RTL4: variants seen among roughly 807,000 people sequenced by gnomAD.
The protein encoded by RTL4 is retrotransposon Gag like 4.
In RTL4, 4 loss-of-function variants were observed where a neutral mutation model predicts 5.3. The observed-to-expected ratio is 0.75, with a 90% CI of 0.37 to 1.72. The LOEUF (loss-of-function observed/expected upper bound fraction) is 1.72, where lower values mean the gene tolerates loss of function less well. Among genes scored for constraint, RTL4 ranks in the 40% most tolerant of loss-of-function variants. The pLI, the probability that RTL4 is intolerant of heterozygous loss-of-function variation, is 0.04. For missense variants in RTL4, 260 were observed against 227.1 expected, an observed-to-expected ratio of 1.14 and a Z score of -0.93; for synonymous variants, 98 against 87.3, an observed-to-expected ratio of 1.12 and a Z score of -0.68.
At chrX:112,121,039 C>T in the RTL4 span, among the ~76,000 whole-genome samples, 1 of 111,564 alleles carries the variant, frequency 9.0e-6, no homozygotes, top group Non-Finnish European at 1.9e-5. Flanking sequence ...CTAATGGGTA[C>T]TGGGCTTAAT....
the RTL4 span, among the ~76,000 whole-genome samples, chrX:112,350,796 G>A: frequency 2.7e-5 from 3 of 110,885 alleles, no homozygotes; most frequent in Non-Finnish European, 3.8e-5. Flanking sequence ...TATCAATTTT[G>A]TTGATCTTTT....
At chrX:112,454,976 C>T (rs375832704) in exon 1 of RTL4, 11 of 1,209,763 alleles carry the variant, frequency 9.1e-6, no homozygotes, top group African/African-American at 3.5e-5. Flanking sequence ...ACCTACTTGA[C>T]AGCTCTCCAA....
At chrX:112,274,877 A>G in the RTL4 span, among the ~76,000 whole-genome samples, 5 of 112,160 alleles carry the variant, frequency 4.5e-5, no homozygotes, top group African/African-American at 1.6e-4. Flanking sequence ...GATAATGATC[A>G]TAACTGAAAC....
At chrX:112,203,573 A>G in the RTL4 span, among the ~76,000 whole-genome samples, 58 of 110,197 alleles carry the variant, frequency 5.3e-4, no homozygotes, top group African/African-American at 1.9e-3. Context: ...ATATGGGTCG[A>G]TTTCTGGCTT....
At chrX:112,090,202 G>A in the RTL4 span, among the ~76,000 whole-genome samples, 2 of 109,764 alleles carry the variant, frequency 1.8e-5, no homozygotes, top group East Asian at 5.7e-4. Context: ...TGTGAATAGA[G>A]GTAGTTTTAC....
chrX:112,315,560 C>T, the RTL4 span, among the ~76,000 whole-genome samples: 1 of 112,044 alleles, frequency 8.9e-6, no homozygotes, highest in African/African-American at 3.2e-5. Context: ...TTAGCCTCCA[C>T]TCCCTTTCCC....
At chrX:112,414,410 C>T in the RTL4 span, among the ~76,000 whole-genome samples, 1 of 111,443 alleles carries the variant, frequency 9.0e-6, no homozygotes, top group Non-Finnish European at 1.9e-5. Flanking sequence ...CTTTCCATTT[C>T]AAAATCACTT....
At chrX:112,128,300 G>A in the RTL4 span, among the ~76,000 whole-genome samples, 1 of 111,426 alleles carries the variant, frequency 9.0e-6, no homozygotes, top group Non-Finnish European at 1.9e-5. Flanking sequence ...AGGGTGCCAA[G>A]GCCATCAATA....
the RTL4 span, among the ~76,000 whole-genome samples, chrX:112,326,968 A>T: frequency 1.8e-5 from 2 of 111,958 alleles, no homozygotes; most frequent in Non-Finnish European, 3.8e-5. Context: ...AGGAAAACTG[A>T]AAAACAGAAA....
chrX:112,289,661 C>A, the RTL4 span, among the ~76,000 whole-genome samples: 1 of 111,496 alleles, frequency 9.0e-6, no homozygotes, highest in African/African-American at 3.3e-5. Context: ...ATGTATGTCA[C>A]AAGCCTAGCA....
the RTL4 span, among the ~76,000 whole-genome samples, chrX:112,242,421 A>G: frequency 9.0e-6 from 1 of 111,324 alleles, no homozygotes; most frequent in African/African-American, 3.3e-5. Flanking sequence ...CATCCCTTGT[A>G]CTTTGGATTC....
the RTL4 span, among the ~76,000 whole-genome samples, chrX:112,153,497 A>G: frequency 1.8e-5 from 2 of 112,015 alleles, no homozygotes; most frequent in Non-Finnish European, 3.8e-5. Flanking sequence ...TTTACTGACT[A>G]TTTAAGGTTC....
At chrX:112,408,948 G>C in the RTL4 span, among the ~76,000 whole-genome samples, 1 of 111,970 alleles carries the variant, frequency 8.9e-6, no homozygotes, top group Non-Finnish European at 1.9e-5. Context: ...AAAATGAAGA[G>C]AAATAAAGAC....
chrX:112,374,967 C>G, the RTL4 span, among the ~76,000 whole-genome samples: 1 of 111,821 alleles, frequency 8.9e-6, no homozygotes, highest in Non-Finnish European at 1.9e-5. Flanking sequence ...AGATAAAATA[C>G]AGGACACCCA....
the RTL4 span, among the ~76,000 whole-genome samples, chrX:112,289,773 A>G: frequency 3.8e-5 from 4 of 105,985 alleles, no homozygotes; most frequent in Admixed American, 1.0e-4. Flanking sequence ...TGTATAATAT[A>G]TGTGTGTGTG....
the RTL4 span, among the ~76,000 whole-genome samples, chrX:112,118,433 C>T: frequency 8.9e-6 from 1 of 112,390 alleles, no homozygotes. Flanking sequence ...CCTGATTGTC[C>T]TCATGACATG....
chrX:112,246,859 C>G, the RTL4 span, among the ~76,000 whole-genome samples: 1 of 111,470 alleles, frequency 9.0e-6, no homozygotes, highest in Admixed American at 9.6e-5. Context: ...TGGAATGAAC[C>G]TCTGATTGTT....
chrX:112,238,360 G>T, the RTL4 span, among the ~76,000 whole-genome samples: 1 of 111,035 alleles, frequency 9.0e-6, no homozygotes, highest in African/African-American at 3.3e-5. Flanking sequence ...TTTTCTTTCA[G>T]CACTGTTCTT....
the RTL4 span, among the ~76,000 whole-genome samples, chrX:112,126,413 A>T: frequency 1.8e-5 from 2 of 112,313 alleles, no homozygotes; most frequent in African/African-American, 6.5e-5. Context: ...AATTTATGGG[A>T]TGAAGAAAAG....
Sources: allele counts gnomAD v4.1 joint callset (sites outside exome capture counted in the v4.1 genomes callset), GRCh38; gene constraint gnomAD v4.1.1; transcripts MANE v1.5; gene names NCBI Gene and HGNC (gene_info 2026-07-23, HGNC 2026-07-21).